The following NRG3 variants were observed in gnomAD, a reference collection of about 807,000 sequenced individuals.
NRG3 encodes the protein pro-neuregulin-3, membrane-bound isoform.
A neutral mutation model predicts 66.9 loss-of-function variants in NRG3; 31 were observed. That is an observed-to-expected ratio of 0.46 (90% CI 0.35 to 0.63). NRG3 has a LOEUF of 0.63. Ranked by LOEUF, NRG3 falls within the 20% of genes least tolerant of loss-of-function variation. NRG3 has a pLI of 0.00. For missense variants in NRG3, 910 were observed against 878.9 expected, an observed-to-expected ratio of 1.04 and a Z score of -0.45; for synonymous variants, 393 against 359.4, an observed-to-expected ratio of 1.09 and a Z score of -1.06.
intron 2 of NRG3, among the ~76,000 whole-genome samples, chr10:82,450,467 CT>C (rs2090967294): frequency 6.6e-6 from 1 of 152,148 alleles, no homozygotes; most frequent in African/African-American, 2.4e-5. Flanking sequence ...AAAACTCATG[CT>C]TTATATAATA....
At chr10:82,414,258 G>A (rs2136182502) in intron 2 of NRG3, among the ~76,000 whole-genome samples, 1 of 152,190 alleles carries the variant, frequency 6.6e-6, no homozygotes, top group African/African-American at 2.4e-5. Flanking sequence ...TTTTAATATT[G>A]TGTGTCAGGA....
At chr10:82,174,786 T>C (rs1003449236) in intron 1 of NRG3, among the ~76,000 whole-genome samples, 1 of 152,050 alleles carries the variant, frequency 6.6e-6, no homozygotes, top group Non-Finnish European at 1.5e-5. Flanking sequence ...TACTGGGGCA[T>C]CTAGTTCCTG....
intron 3 of NRG3, among the ~76,000 whole-genome samples, chr10:82,750,718 T>G (rs1182527813): frequency 1.3e-5 from 2 of 152,156 alleles, no homozygotes; most frequent in Non-Finnish European, 2.9e-5. Flanking sequence ...TGTAAGAATT[T>G]GAAATCAAAT....
intron 1 of NRG3, among the ~76,000 whole-genome samples, chr10:82,187,464 G>A (rs926780479): frequency 1.3e-5 from 2 of 152,152 alleles, no homozygotes; most frequent in Non-Finnish European, 2.9e-5. Flanking sequence ...ATAGTTTGCT[G>A]TTAATCACTT....
intron 2 of NRG3, among the ~76,000 whole-genome samples, chr10:82,470,172 GCTC>G (rs1841113878): frequency 6.6e-6 from 1 of 152,168 alleles, no homozygotes; most frequent in Non-Finnish European, 1.5e-5. Context: ...GGGTTTCTGA[GCTC>G]CCGTCTAAAC....
chr10:82,736,543 A>T (rs1308404098), intron 2 of NRG3, among the ~76,000 whole-genome samples: 1 of 152,212 alleles, frequency 6.6e-6, no homozygotes, highest in Admixed American at 6.5e-5. Flanking sequence ...ACATCATCAC[A>T]CTTTATTAGT....
chr10:82,114,399 A>G (rs1213924523), intron 1 of NRG3, among the ~76,000 whole-genome samples: 1 of 152,168 alleles, frequency 6.6e-6, no homozygotes, highest in African/African-American at 2.4e-5. Context: ...GAAGGAATAA[A>G]AGAACCTGAA....
rs1269536608 is a variant in NRG3 at position 82,150,528 on chromosome 10, CACAAAA to C, written c.824-208209_824-208204del. Among the ~76,000 whole-genome samples the C allele has an allele frequency of 4.1e-3, 211 of 51,710 alleles. 1 individual carries two copies. The highest frequency in any genetic ancestry group is 0.011 in the South Asian group (14 of 1,308). The allele number at this position is 51,710 out of a possible 152,430, so 33.9% of individuals were successfully genotyped here. On this transcript the variant is annotated intron_variant, in intron 1 of 8. Transcript: ENST00000372141. ...TGATTAACAAAGCAAAAAGAGCACA[CACAAAA>C]AAAAAAAAAAAAAAAAAAAAGTCAA...
At chr10:82,480,187 C>T (rs1209220649) in intron 2 of NRG3, among the ~76,000 whole-genome samples, 1 of 152,102 alleles carries the variant, frequency 6.6e-6, no homozygotes, top group Non-Finnish European at 1.5e-5. Context: ...TAGTGGTTGT[C>T]TAGGATTGGG....
intron 1 of NRG3, among the ~76,000 whole-genome samples, chr10:82,019,108 C>A (rs932221366): frequency 6.6e-6 from 1 of 152,054 alleles, no homozygotes; most frequent in Non-Finnish European, 1.5e-5. Context: ...GAGATATGTC[C>A]CATCAATACC....
At chr10:82,805,394 C>G (rs960956553) in intron 3 of NRG3, among the ~76,000 whole-genome samples, 1 of 152,172 alleles carries the variant, frequency 6.6e-6, no homozygotes, top group Non-Finnish European at 1.5e-5. Context: ...CACTGCTCCT[C>G]AAATAATTCC....
chr10:82,697,283 G>T (rs1462201326), intron 2 of NRG3, among the ~76,000 whole-genome samples: 1 of 152,162 alleles, frequency 6.6e-6, no homozygotes, highest in East Asian at 1.9e-4. Flanking sequence ...TGTTAGGGAA[G>T]TCCGGAAAAG....
chr10:82,952,854 A>G (rs777378531), intron 5 of NRG3, among the ~76,000 whole-genome samples: 2 of 151,962 alleles, frequency 1.3e-5, no homozygotes, highest in Non-Finnish European at 2.9e-5. Context: ...ATTCAGAATT[A>G]GTAACTATTA....
chr10:81,947,354 A>T (rs1314691602), intron 1 of NRG3, among the ~76,000 whole-genome samples: 2 of 152,144 alleles, frequency 1.3e-5, no homozygotes, highest in African/African-American at 4.8e-5. Context: ...ATTCTAAGGT[A>T]CTAGGGTCAA....
chr10:82,954,800 TTGTGTG>T (rs113113874), intron 5 of NRG3, among the ~76,000 whole-genome samples: 3 of 147,082 alleles, frequency 2.0e-5, no homozygotes, highest in Non-Finnish European at 3.0e-5. Context: ...CTGGCACAAG[TTGTGTG>T]TGTGTGTGTG....
At chr10:82,952,369 G>A (rs1204665663) in intron 5 of NRG3, among the ~76,000 whole-genome samples, 3 of 150,288 alleles carry the variant, frequency 2.0e-5, no homozygotes, top group African/African-American at 7.3e-5. Flanking sequence ...GGAGGTGGAA[G>A]TTGCAGTGAG....
intron 2 of NRG3, among the ~76,000 whole-genome samples, chr10:82,473,264 A>T (rs1841445053): frequency 6.6e-6 from 1 of 152,212 alleles, no homozygotes; most frequent in Admixed American, 6.5e-5. Flanking sequence ...TGAAGAAAGG[A>T]ACTGCTCTTT....
At chr10:82,563,653 A>G (rs7921732) in intron 2 of NRG3, among the ~76,000 whole-genome samples, 2,770 of 152,162 alleles carry the variant, frequency 0.018, 31 homozygotes, top group Middle Eastern at 0.071. Context: ...TCACATATTT[A>G]TGGTGAACAA....
intron 3 of NRG3, among the ~76,000 whole-genome samples, chr10:82,847,838 C>T (rs504522): frequency 0.45 from 68,960 of 151,964 alleles, 15,960 homozygotes; most frequent in Non-Finnish European, 0.49. Context: ...TCACAGAATT[C>T]GACAAGATTT....
Sources: gnomAD v4.1 joint callset for allele counts (sites outside exome capture counted in the v4.1 genomes callset) on GRCh38, gnomAD v4.1.1 for gene constraint, MANE v1.5 for transcripts, NCBI Gene and HGNC (gene_info 2026-07-23, HGNC 2026-07-21) for gene names.